COMMD10: variants seen among roughly 807,000 people sequenced by gnomAD.
The protein encoded by COMMD10 is COMM domain-containing protein 10.
In COMMD10, 33 loss-of-function variants were observed where a neutral mutation model predicts 28.9. The ratio of observed to expected loss-of-function variants is 1.14; its 90% CI spans 0.87 to 1.53. The LOEUF is 1.53. Among genes scored for constraint, COMMD10 ranks in the 40% most tolerant of loss-of-function variants. The probability of loss-of-function intolerance (pLI) is 0.00; values close to 1 mark genes in which losing one functional copy is unlikely to be tolerated. For synonymous variants in COMMD10, 110 were observed against 81.7 expected, an observed-to-expected ratio of 1.35 and a Z score of -1.87; for missense variants, 310 against 233.4, an observed-to-expected ratio of 1.33 and a Z score of -2.14.
intron 5 of COMMD10, among the ~76,000 whole-genome samples, chr5:116,267,105 G>C (rs1477292069): frequency 6.6e-6 from 1 of 151,822 alleles, no homozygotes; most frequent in South Asian, 2.1e-4. Flanking sequence ...AGGGCAATCA[G>C]ACAGGAGAAA....
intron 5 of COMMD10, among the ~76,000 whole-genome samples, chr5:116,149,213 C>T (rs1382263161): frequency 5.4e-5 from 8 of 146,878 alleles, no homozygotes; most frequent in African/African-American, 2.1e-4. Context: ...GCGTAGTATT[C>T]CATGGTATAT....
In COMMD10 at chr5:116,203,972, C is replaced by T. The variant is rs538461145; in HGVS notation, c.510+69794C>T. Reference sequence around the variant, plus strand: ...AATTGGATAAAGAGTCAAGACCCATCAGTGTGCTGTATTCAGGAAACCCAT... The same window carrying T: ...AATTGGATAAAGAGTCAAGACCCATTAGTGTGCTGTATTCAGGAAACCCAT... On this transcript the variant is annotated intron_variant, in intron 5 of 6. Coordinates refer to ENST00000274458, the MANE Select transcript of COMMD10 (RefSeq NM_016144.4). Among the ~76,000 whole-genome samples, 259 of 152,262 alleles carry T rather than the reference C, an allele frequency of 1.7e-3. 2 individuals carry two copies. Among genetic ancestry groups the T allele is most frequent in the African/African-American group, 5.8e-3 (242 of 41,542 alleles).
At chr5:116,224,685 T>TA (rs1416119880) in intron 5 of COMMD10, among the ~76,000 whole-genome samples, 1 of 152,086 alleles carries the variant, frequency 6.6e-6, no homozygotes, top group Non-Finnish European at 1.5e-5. Flanking sequence ...CCCAAACACC[T>TA]CCCTCTAGGC....
intron 4 of COMMD10, among the ~76,000 whole-genome samples, chr5:116,130,764 C>T (rs1216260010): frequency 6.6e-6 from 1 of 151,974 alleles, no homozygotes; most frequent in Non-Finnish European, 1.5e-5. Context: ...ATGAGGTTTG[C>T]AGGCTAGCCT....
At chr5:116,167,460 A>T (rs1281272933) in intron 5 of COMMD10, among the ~76,000 whole-genome samples, 1 of 152,174 alleles carries the variant, frequency 6.6e-6, no homozygotes, top group Non-Finnish European at 1.5e-5. Context: ...ACCTAGCAAG[A>T]CAGGACAACA....
intron 6 of COMMD10, 98 bp from the exon 7 acceptor site, chr5:116,292,353 C>G: frequency 1.6e-6 from 1 of 614,688 alleles, no homozygotes; most frequent in Non-Finnish European, 2.6e-6. Context: ...GTTACCAGTG[C>G]TATTTTTTCC....
At chr5:116,164,478 A>C (rs1016923949) in intron 5 of COMMD10, among the ~76,000 whole-genome samples, 2 of 152,226 alleles carry the variant, frequency 1.3e-5, no homozygotes, top group African/African-American at 2.4e-5. Flanking sequence ...GGTTTAGAGA[A>C]GTCTTCTCAG....
chr5:116,090,951 G>C (rs2112709680), intron 2 of COMMD10, 128 bp from the exon 3 acceptor site: 1 of 559,754 alleles, frequency 1.8e-6, no homozygotes, highest in East Asian at 3.0e-5. Context: ...ATGCACATCA[G>C]TTTCTTTTCA....
chr5:116,225,353 G>GTTTTTTTTTTTTT lies in COMMD10; in HGVS notation c.511-66164_511-66163insTTTTTTTTTTTTT, dbSNP rs143964154. 7.7e-5 allele frequency among the ~76,000 whole-genome samples: 9 copies of GTTTTTTTTTTTTT among 116,500 alleles called. 3 individuals carry two copies. The highest frequency in any genetic ancestry group is 6.8e-5 in the African/African-American group (2 of 29,394). 76.4% of individuals were successfully genotyped at this position (116,500 alleles called of 152,430 possible). A position where few individuals can be genotyped will look rare whatever the true frequency, so the allele number is the denominator to read the frequency against. On this transcript the variant is annotated intron_variant, in intron 5 of 6. Coordinates refer to ENST00000274458, the MANE Select transcript of COMMD10 (RefSeq NM_016144.4). ...AGACTTTCCTGTTTGTTTTTTTGGG[G>GTTTTTTTTTTTTT]ATTTTTTTTTTTTTTTTTGCATATG...
intron 5 of COMMD10, among the ~76,000 whole-genome samples, chr5:116,233,437 A>C (rs1580568941): frequency 1.3e-5 from 2 of 152,140 alleles, no homozygotes; most frequent in Non-Finnish European, 1.5e-5. Flanking sequence ...GATAAGGGGG[A>C]ACTATACATA....
intron 5 of COMMD10, among the ~76,000 whole-genome samples, chr5:116,232,748 AT>A (rs1198746204): frequency 1.3e-5 from 2 of 152,280 alleles, no homozygotes; most frequent in African/African-American, 4.8e-5. Context: ...GAAAAATGTT[AT>A]AAAATTTGAC....
intron 5 of COMMD10, among the ~76,000 whole-genome samples, chr5:116,232,963 C>T (rs1749566096): frequency 6.6e-6 from 1 of 152,162 alleles, no homozygotes; most frequent in Non-Finnish European, 1.5e-5. Context: ...TGCTCTTACC[C>T]TTAAAAGGAT....
chr5:116,118,721 G>C (rs1751324719), intron 4 of COMMD10, among the ~76,000 whole-genome samples: 1 of 148,594 alleles, frequency 6.7e-6, no homozygotes, highest in African/African-American at 2.4e-5. Context: ...AGAAAGAATT[G>C]CTTTAGGTTG....
chr5:116,104,959 G>T (rs1187224742), intron 4 of COMMD10, among the ~76,000 whole-genome samples: 1 of 152,140 alleles, frequency 6.6e-6, no homozygotes, highest in Non-Finnish European at 1.5e-5. Flanking sequence ...TCTTTCTCTT[G>T]CCTGATTGCC....
chr5:116,289,631 ATTC>A (rs1263145986), intron 5 of COMMD10, among the ~76,000 whole-genome samples: 1 of 151,826 alleles, frequency 6.6e-6, no homozygotes, highest in African/African-American at 2.4e-5. Context: ...TGTATGGTTC[ATTC>A]TTTTATTTCT....
intron 5 of COMMD10, among the ~76,000 whole-genome samples, chr5:116,185,959 T>G (rs971886742): frequency 3.3e-5 from 5 of 152,162 alleles, no homozygotes; most frequent in Admixed American, 3.3e-4. Flanking sequence ...TACCTGACTT[T>G]ACTGCCATCA....
chr5:116,275,967 T>G (rs757513788), intron 5 of COMMD10, among the ~76,000 whole-genome samples: 30 of 151,252 alleles, frequency 2.0e-4, no homozygotes, highest in Non-Finnish European at 3.1e-4. Context: ...TGTATATATA[T>G]ATATATGGTA....
intron 5 of COMMD10, among the ~76,000 whole-genome samples, chr5:116,198,522 GATT>G (rs1198734917): frequency 6.6e-6 from 1 of 152,046 alleles, no homozygotes; most frequent in Non-Finnish European, 1.5e-5. Context: ...GAACCTATAT[GATT>G]ATCACTCAAG....
chr5:116,086,489 C>G (rs1750101862), intron 1 of COMMD10, among the ~76,000 whole-genome samples: 1 of 151,712 alleles, frequency 6.6e-6, no homozygotes, highest in Non-Finnish European at 1.5e-5. Context: ...AGGGCGTTTC[C>G]CTCTTGTTGC....
Sources: gnomAD v4.1 joint callset for allele counts (sites outside exome capture counted in the v4.1 genomes callset) on GRCh38, gnomAD v4.1.1 for gene constraint, MANE v1.5 for transcripts, NCBI Gene and HGNC (gene_info 2026-07-23, HGNC 2026-07-21) for gene names.